Variants in MYO5C observed in about 807,000 individuals in gnomAD.
MYO5C encodes the protein myosin VC.
In MYO5C, 194 loss-of-function variants were observed where a neutral mutation model predicts 235.7. That is an observed-to-expected ratio of 0.82 (90% confidence interval 0.73 to 0.93). The LOEUF is 0.93. Among genes scored for constraint, MYO5C ranks in the 40% least tolerant of loss-of-function variants. The pLI is 0.00. For synonymous variants in MYO5C, 707 were observed against 754.8 expected, an observed-to-expected ratio of 0.94 and a Z score of 1.04; for missense variants, 2,038 against 2,127.2, an observed-to-expected ratio of 0.96 and a Z score of 0.82.
chr15:52,224,796 A>G (rs79704568), intron 28 of MYO5C, 105 bp downstream of exon 28: 29,374 of 867,116 alleles, frequency 0.034, 617 homozygotes, highest in Non-Finnish European at 0.043. Context: ...TCATTCTACT[A>G]TAAGGAATTT....
At chr15:52,275,522 C>T in intron 5 of MYO5C, 40 bp downstream of exon 5, 1 of 1,611,266 alleles carries the variant, frequency 6.2e-7, no homozygotes, top group South Asian at 1.1e-5. Flanking sequence ...ACCCCCATTT[C>T]CATCACCAAC....
chr15:52,241,090 G>T (rs1428666211), intron 20 of MYO5C, among the ~76,000 whole-genome samples: 1 of 152,108 alleles, frequency 6.6e-6, no homozygotes, highest in Non-Finnish European at 1.5e-5. Context: ...ATCTCATTGT[G>T]CTTTGTATTA....
In MYO5C at chr15:52,211,903, A is replaced by T. The variant is rs755582829; in HGVS notation, c.4142-19T>A. 1 of 1,611,502 alleles carries T rather than the reference A, an allele frequency of 6.2e-7. No homozygotes were observed. Among genetic ancestry groups the T allele is most frequent in the African/African-American group, 1.3e-5 (1 of 74,864 alleles). On this transcript the variant is annotated intron_variant, in intron 34 of 40. Transcript: ENST00000261839. ...TTCAAGTCTGAAGCAGAGAGAGCCA[A>T]TGAGGATTACAGCTGACAGGTCAGC...
intron 1 of MYO5C, among the ~76,000 whole-genome samples, chr15:52,292,979 C>T (rs2037424056): frequency 6.6e-6 from 1 of 152,216 alleles, no homozygotes; most frequent in Non-Finnish European, 1.5e-5. Context: ...AGAGGCAGGA[C>T]CTCGTGGCTG....
intron 33 of MYO5C, chr15:52,213,562 A>G (rs2035495644): frequency 3.9e-6 from 1 of 255,682 alleles, no homozygotes; most frequent in East Asian, 7.2e-5. Flanking sequence ...ACATGGTAAC[A>G]GGAAAGAAAT....
chr15:52,277,478 T>C (rs917654568), intron 4 of MYO5C, among the ~76,000 whole-genome samples: 4 of 152,034 alleles, frequency 2.6e-5, no homozygotes, highest in African/African-American at 9.7e-5. Flanking sequence ...CAGTATGCAT[T>C]TGCATTCTCC....
intron 11 of MYO5C, among the ~76,000 whole-genome samples, chr15:52,254,323 T>C (rs4627279): frequency 0.89 from 134,744 of 152,178 alleles, 60,692 homozygotes; most frequent in Non-Finnish European, 0.98. Context: ...CCCGATGCTC[T>C]TGATGGCTGG....
chr15:52,269,804 C>T lies in MYO5C; in HGVS notation c.889G>A (p.Val297Met), dbSNP rs2036882116. The T allele has an allele frequency of 6.2e-7, 1 of 1,613,722 alleles. No homozygotes were observed. Among genetic ancestry groups the T allele is most frequent in the South Asian group, 1.1e-5 (1 of 91,064 alleles). The stretch of plus-strand genomic sequence containing the variant: ...TCTACCATTTCAGCTCGATCATTCA[C>T]ACCCTCAATGACAGTATTGCCTCCC... ...RMGGNTVIEG[V>M]NDRAEMVETQ... Residue 297 changes from valine (V) to methionine (M), a missense_variant, in exon 8 of 41, where the codon GTG (valine) becomes ATG (methionine). Val to Met is a conservative substitution (Grantham distance 21, BLOSUM62 1). Coordinates refer to ENST00000261839, the MANE Select transcript of MYO5C (RefSeq NM_018728.4).
intron 38 of MYO5C, among the ~76,000 whole-genome samples, chr15:52,202,191 A>G (rs181770615): frequency 1.4e-3 from 217 of 152,322 alleles, no homozygotes; most frequent in African/African-American, 5.0e-3. Context: ...AGCCTGGCCA[A>G]CATGGTGAAA....
At chr15:52,241,993 C>T (rs2036235220) in intron 20 of MYO5C, 55 bp downstream of exon 20, 6 of 1,522,242 alleles carry the variant, frequency 3.9e-6, no homozygotes, top group Non-Finnish European at 5.3e-6. Flanking sequence ...CTGTTTTGTT[C>T]TCAGTAAGGA....
At position 52,238,703 on chromosome 15, in the gene MYO5C, G is replaced by A. The variant is rs145629366; in HGVS notation, c.2703+1030C>T. Among the ~76,000 whole-genome samples, 316 of 152,102 alleles carry A rather than the reference G, an allele frequency of 2.1e-3. 6 individuals are homozygous for A. Among genetic ancestry groups the A allele is most frequent in the East Asian group, 0.014 (71 of 5,184 alleles). On this transcript the variant is annotated intron_variant, in intron 21 of 40. Transcript: ENST00000261839. ...GTTGCCCAGGCTGGAGTGCAGTGGC[G>A]CGATCTCGGCTCACTGCAAGCTCCG...
chr15:52,248,607 C>G, intron 14 of MYO5C, 93 bp downstream of exon 14: 30 of 689,904 alleles, frequency 4.3e-5, no homozygotes, highest in Non-Finnish European at 7.2e-5. Context: ...CACACACACA[C>G]TCTCTCTCTC....
chr15:52,232,774 G>C (rs1566971867), intron 23 of MYO5C, 89 bp from the exon 24 acceptor site: 2 of 1,131,520 alleles, frequency 1.8e-6, no homozygotes, highest in Non-Finnish European at 2.7e-6. Context: ...AGAATGTCAG[G>C]ACAATCATGT....
intron 11 of MYO5C, among the ~76,000 whole-genome samples, chr15:52,255,287 C>A (rs187876684): frequency 6.6e-6 from 1 of 152,222 alleles, no homozygotes; most frequent in African/African-American, 2.4e-5. Context: ...CTCTCCAAGA[C>A]GTCATGCTAT....
intron 1 of MYO5C, among the ~76,000 whole-genome samples, chr15:52,285,395 C>T (rs562592738): frequency 2.0e-4 from 29 of 141,572 alleles, no homozygotes; most frequent in African/African-American, 7.0e-4. Context: ...AACAGGCTCT[C>T]GCTCTCCCTC....
At position 52,224,883 on chromosome 15, in the gene MYO5C, C is replaced by T; in HGVS notation, c.3446+18G>A. 2 of 1,601,822 alleles carry T rather than the reference C, an allele frequency of 1.2e-6. No individual in the cohort carries two copies. Among genetic ancestry groups the T allele is most frequent in the Non-Finnish European group, 1.7e-6 (2 of 1,172,472 alleles). ...TATCTCTGAAAAATAAAGAAGATCC[C>T]TGAGGAGAATTTCTAACCGTGTTGC... On this transcript the variant is annotated intron_variant, in intron 28 of 40. Transcript: ENST00000261839.
intron 10 of MYO5C, 79 bp downstream of exon 10, chr15:52,260,783 C>A: frequency 1.4e-6 from 2 of 1,478,030 alleles, no homozygotes; most frequent in Non-Finnish European, 1.8e-6. Context: ...TACAAAAGAA[C>A]CAGAACAAAA....
At position 52,225,069 on chromosome 15, in the gene MYO5C, G is replaced by T. The variant is rs1239948510; in HGVS notation, c.3365+6C>A. 6.2e-7 allele frequency: 1 copy of T among 1,613,742 alleles called. No individual in the cohort carries two copies. The highest frequency in any genetic ancestry group is 1.3e-5 in the African/African-American group (1 of 74,926). ...TTAAAATGTTTGATAATGCAAAAAT[G>T]ATTACCTGCTTCTTACATCTTCAAT... On this transcript the variant is annotated splice_donor_region_variant and intron_variant, in intron 27 of 40. Transcript: ENST00000261839.
Position 52,278,952 on chromosome 15 carries a change from C to T in MYO5C, c.370G>A (p.Ala124Thr), listed in dbSNP as rs1016799724. Residue 124 changes from alanine to threonine, a missense_variant, in exon 4 of 41, where the codon GCC becomes ACC. Ala to Thr is a moderately conservative substitution (Grantham distance 58). Transcript: ENST00000261839. ...LPIYGDAIIH[A>T]YSGQNMGDMD... ...TCGCCCATGTTCTGCCCGCTGTAGG[C>T]GTGGATGATGGCATCTCCGTATATT... 18 of 1,614,024 alleles carry T rather than the reference C, an allele frequency of 1.1e-5. No individual in the cohort carries two copies. Among genetic ancestry groups the T allele is most frequent in the Non-Finnish European group, 1.4e-5 (16 of 1,179,992 alleles).
Sources: allele counts gnomAD v4.1 joint callset (sites outside exome capture counted in the v4.1 genomes callset), GRCh38; gene constraint gnomAD v4.1.1; transcripts MANE v1.5; gene names NCBI Gene and HGNC (gene_info 2026-07-23, HGNC 2026-07-21).